Variants in PLCB4 observed in about 807,000 individuals in gnomAD.
PLCB4 encodes 1-phosphatidylinositol 4,5-bisphosphate phosphodiesterase beta-4.
A neutral mutation model predicts 178.8 loss-of-function variants in PLCB4; 77 were observed. The ratio of observed to expected loss-of-function variants is 0.43; its 90% confidence interval spans 0.36 to 0.52. PLCB4 has a LOEUF of 0.52. Ranked by LOEUF, PLCB4 falls within the 20% of genes least tolerant of loss-of-function variation. The pLI is 0.00. For synonymous variants in PLCB4, 496 were observed against 490.8 expected (o/e 1.01, Z -0.14); for missense variants, 1,024 against 1,453.4 (o/e 0.70, Z 4.80).
intron 2 of PLCB4, among the ~76,000 whole-genome samples, chr20:9,196,985 T>A (rs979036789): frequency 4.6e-5 from 7 of 152,208 alleles, no homozygotes; most frequent in African/African-American, 1.7e-4. Flanking sequence ...GAAAGCAAGA[T>A]GCTCAGTGTA....
chr20:9,219,577 C>T (rs1221652283), intron 3 of PLCB4, among the ~76,000 whole-genome samples: 1 of 152,138 alleles, frequency 6.6e-6, no homozygotes, highest in East Asian at 1.9e-4. Flanking sequence ...ACTTGGAGCC[C>T]CAGATGTCAC....
intron 2 of PLCB4, among the ~76,000 whole-genome samples, chr20:9,100,762 C>T (rs1047033710): frequency 3.3e-5 from 5 of 152,114 alleles, no homozygotes; most frequent in Non-Finnish European, 7.4e-5. Flanking sequence ...TATTGCTTTT[C>T]CAGAACAGAT....
At chr20:9,305,366 T>G (rs2094753785) in intron 3 of PLCB4, among the ~76,000 whole-genome samples, 1 of 152,054 alleles carries the variant, frequency 6.6e-6, no homozygotes, top group South Asian at 2.1e-4. Context: ...ATATTTAAAC[T>G]TCTATTTTCC....
chr20:9,216,452 C>T (rs1011321534), intron 2 of PLCB4, among the ~76,000 whole-genome samples: 35 of 152,080 alleles, frequency 2.3e-4, no homozygotes, highest in Non-Finnish European at 1.0e-4. Context: ...CTCCTGACCT[C>T]GTGATCCGCC....
chr20:9,342,691 A>C (rs1473270942), intron 7 of PLCB4, among the ~76,000 whole-genome samples: 1 of 150,636 alleles, frequency 6.6e-6, no homozygotes, highest in African/African-American at 2.5e-5. Context: ...TTTACTCTGA[A>C]TGCCTCAGAT....
chr20:9,261,880 T>G (rs1283209892), intron 3 of PLCB4, among the ~76,000 whole-genome samples: 1 of 152,210 alleles, frequency 6.6e-6, no homozygotes, highest in Non-Finnish European at 1.5e-5. Context: ...TGGAGCTATA[T>G]ACCCTTGCAT....
rs552265104 is a variant in PLCB4, at chr20:9,453,251, G to A, written c.2881-96G>A. 125 of 702,984 alleles carry A rather than the reference G, an allele frequency of 1.8e-4. 1 individual carries two copies. The highest frequency in any genetic ancestry group is 1.6e-3 in the South Asian group (89 of 55,790). The allele number at this position is 702,984 out of a possible 1,614,324, so 43.5% of individuals were successfully genotyped here. A position where few individuals can be genotyped will look rare whatever the true frequency, so the allele number is the denominator to read the frequency against. ...TTGGTTATTCCTTGACTTTCTAAAT[G>A]AAGACTCTAGGGAAGCTGGTGAAAG... is the stretch of plus-strand genomic sequence containing the variant. On this transcript the variant is annotated intron_variant, in intron 32 of 39. Coordinates refer to ENST00000378473, the MANE Select transcript of PLCB4 (RefSeq NM_001377142.1).
chr20:9,220,177 C>T (rs6118530), intron 3 of PLCB4, among the ~76,000 whole-genome samples: 2 of 152,116 alleles, frequency 1.3e-5, no homozygotes, highest in Admixed American at 6.5e-5. Context: ...AGAGGAATGC[C>T]TTAGTTTAGT....
At chr20:9,307,266 A>G (rs2094779106) in intron 3 of PLCB4, among the ~76,000 whole-genome samples, 1 of 152,072 alleles carries the variant, frequency 6.6e-6, no homozygotes, top group Admixed American at 6.6e-5. Flanking sequence ...ACAAAGGGGT[A>G]GGGGAAAGGG....
chr20:9,423,774 G>A lies in PLCB4; in HGVS notation c.2346G>A (p.Leu782=). 6.2e-7 allele frequency: 1 copy of A among 1,613,900 alleles called. No individual in the cohort carries two copies. The change falls in exon 28 of 40, where the codon TTG becomes TTA. Residue 782 remains leucine (L), a synonymous_variant. Coordinates refer to ENST00000378473, the MANE Select transcript of PLCB4 (RefSeq NM_001377142.1). ...TGATCCTGCCGGACCTGGCTGTCTTGAGAATAGCTGTGTATGATGATAACA... is the reference window on the plus strand; with the variant it reads ...TGATCCTGCCGGACCTGGCTGTCTTAAGAATAGCTGTGTATGATGATAACA... The part of the protein sequence containing the change: ...RKVILPDLAV[L]RIAVYDDNNK...
intron 2 of PLCB4, among the ~76,000 whole-genome samples, chr20:9,169,423 T>TAA (rs5840310): frequency 7.3e-6 from 1 of 136,478 alleles, no homozygotes. Context: ...CCCCATCTCT[T>TAA]AAAAAAAAAA....
At chr20:9,113,687 C>G (rs1003906882) in intron 2 of PLCB4, among the ~76,000 whole-genome samples, 1 of 152,174 alleles carries the variant, frequency 6.6e-6, no homozygotes, top group Admixed American at 6.6e-5. Context: ...ATCTAATATA[C>G]TAAATTGCTA....
intron 28 of PLCB4, among the ~76,000 whole-genome samples, chr20:9,427,536 T>C (rs1225854714): frequency 1.3e-5 from 2 of 152,208 alleles, no homozygotes; most frequent in Admixed American, 1.3e-4. Flanking sequence ...CTAGGAGCAT[T>C]CTTCCTTTGT....
At chr20:9,195,174 C>T (rs540400271) in intron 2 of PLCB4, among the ~76,000 whole-genome samples, 8 of 152,228 alleles carry the variant, frequency 5.3e-5, no homozygotes, top group African/African-American at 1.2e-4. Flanking sequence ...AAAATCATCC[C>T]GCATATTCTT....
At chr20:9,333,023 A>G (rs925648406) in intron 4 of PLCB4, among the ~76,000 whole-genome samples, 12 of 152,162 alleles carry the variant, frequency 7.9e-5, no homozygotes, top group African/African-American at 2.7e-4. Context: ...TTGTAATTGC[A>G]CTTCTATCCT....
chr20:9,120,518 A>T (rs984010), intron 2 of PLCB4, among the ~76,000 whole-genome samples: 94,105 of 151,846 alleles, frequency 0.62, 30,168 homozygotes, highest in Middle Eastern at 0.77. Flanking sequence ...ATAGTGAGTA[A>T]TTACTAGTTG....
At chr20:9,368,345 A>G (rs1178417557) in intron 9 of PLCB4, among the ~76,000 whole-genome samples, 1 of 152,180 alleles carries the variant, frequency 6.6e-6, no homozygotes, top group Non-Finnish European at 1.5e-5. Context: ...ACAAATTTAC[A>G]CTCAGTTTAT....
intron 2 of PLCB4, among the ~76,000 whole-genome samples, chr20:9,162,427 T>C (rs778255655): frequency 3.3e-5 from 5 of 152,304 alleles, no homozygotes; most frequent in Non-Finnish European, 7.3e-5. Flanking sequence ...TTCTTAACTG[T>C]CACGTCATGG....
chr20:9,132,692 G>A (rs67996005), intron 2 of PLCB4, among the ~76,000 whole-genome samples: 11,101 of 152,078 alleles, frequency 0.073, 908 homozygotes, highest in East Asian at 0.31. Flanking sequence ...TATCGTTTGC[G>A]ATGCCCACCA....
Sources: gnomAD v4.1 joint callset for allele counts (sites outside exome capture counted in the v4.1 genomes callset) on GRCh38, gnomAD v4.1.1 for gene constraint, MANE v1.5 for transcripts, NCBI Gene and HGNC (gene_info 2026-07-23, HGNC 2026-07-21) for gene names.